MDGA2: variants seen among roughly 807,000 people sequenced by gnomAD.
The protein encoded by MDGA2 is MAM domain-containing glycosylphosphatidylinositol anchor protein 2.
A neutral mutation model predicts 117.8 loss-of-function variants in MDGA2; 40 were observed. The observed-to-expected ratio is 0.34, with a 90% CI of 0.26 to 0.44. The LOEUF is 0.44. MDGA2 is among the 20% of genes least tolerant of loss of function. The pLI, the probability that MDGA2 is intolerant of heterozygous loss-of-function variation, is 1.00. For missense variants in MDGA2, 1,123 were observed against 1,250.6 expected (o/e 0.90, Z 1.54); for synonymous variants, 452 against 439.0 (o/e 1.03, Z -0.37).
chr14:47,095,473 A>G (rs897402835), intron 6 of MDGA2, among the ~76,000 whole-genome samples: 1 of 151,936 alleles, frequency 6.6e-6, no homozygotes, highest in Non-Finnish European at 1.5e-5. Flanking sequence ...TGGCCTTTTT[A>G]TGCAGGCCAA....
chr14:47,055,877 T>C (rs1889657072), intron 7 of MDGA2, among the ~76,000 whole-genome samples: 1 of 152,106 alleles, frequency 6.6e-6, no homozygotes, highest in Non-Finnish European at 1.5e-5. Flanking sequence ...TATCCAGCCC[T>C]TTACGAAATG....
At chr14:47,632,469 C>G (rs1442183309) in intron 1 of MDGA2, among the ~76,000 whole-genome samples, 1 of 152,116 alleles carries the variant, frequency 6.6e-6, no homozygotes, top group East Asian at 1.9e-4. Context: ...CCCTCTACTC[C>G]AATACACAAA....
chr14:47,234,827 TG>T lies in MDGA2; in HGVS notation c.421-16633del, dbSNP rs1369428329. On this transcript the variant is annotated intron_variant, in intron 2 of 16. Coordinates refer to ENST00000399232, the MANE Select transcript of MDGA2 (RefSeq NM_001113498.3). ...ATAGAAAGGCATTGTATTATAAAAA[TG>T]TATTTTTATCCTTCCCTAATATTCT... Among the ~76,000 whole-genome samples the T allele has an allele frequency of 7.2e-5, 11 of 152,282 alleles. No homozygotes were observed. In the East Asian group the frequency reaches 1.9e-3, roughly 27 times the overall value.
Position 47,239,753 on chromosome 14 carries a change from C to T in MDGA2, c.421-21558G>A, listed in dbSNP as rs943090862. ...AAATTAAATTATCTGCCTGAAAAGA[C>T]ACTATTTTAATAAATATTTGATTGA... On this transcript the variant is annotated intron_variant, in intron 2 of 16. Transcript: ENST00000399232. Among the ~76,000 whole-genome samples the T allele has an allele frequency of 2.3e-4, 35 of 151,944 alleles. 2 individuals carry two copies. The Middle Eastern group carries it at 0.014, about 59-fold the overall frequency.
intron 6 of MDGA2, among the ~76,000 whole-genome samples, chr14:47,070,028 G>T (rs1306216628): frequency 3.3e-5 from 5 of 151,886 alleles, no homozygotes; most frequent in African/African-American, 4.8e-5. Context: ...TGGGTGGGGT[G>T]GGGTTATCCA....
intron 1 of MDGA2, among the ~76,000 whole-genome samples, chr14:47,335,161 G>A (rs1890402613): frequency 6.7e-6 from 1 of 148,896 alleles, no homozygotes; most frequent in East Asian, 2.0e-4. Flanking sequence ...CAGTGAAAAA[G>A]CAAACAAAAT....
intron 8 of MDGA2, among the ~76,000 whole-genome samples, chr14:46,972,728 G>A (rs188220126): frequency 1.2e-4 from 19 of 152,194 alleles, no homozygotes; most frequent in Admixed American, 5.9e-4. Flanking sequence ...TAGCTTTTTA[G>A]ATACAACACC....
At chr14:47,179,459 A>G (rs939422461) in intron 3 of MDGA2, among the ~76,000 whole-genome samples, 1 of 152,028 alleles carries the variant, frequency 6.6e-6, no homozygotes, top group East Asian at 1.9e-4. Context: ...AAACTATTAT[A>G]TATTTGTGAA....
chr14:46,920,251 T>TA, intron 9 of MDGA2, 91 bp from the exon 10 acceptor site: 1 of 1,174,926 alleles, frequency 8.5e-7, no homozygotes, highest in South Asian at 1.6e-5. Flanking sequence ...ATTTCTACTA[T>TA]ATTTTTCATT....
At chr14:47,608,422 T>C (rs1019221188) in intron 1 of MDGA2, among the ~76,000 whole-genome samples, 1 of 152,114 alleles carries the variant, frequency 6.6e-6, no homozygotes, top group African/African-American at 2.4e-5. Context: ...GAGCATATGA[T>C]GTTCACGAGA....
chr14:47,674,485 C>T (rs1898137577), intron 1 of MDGA2, 32 bp downstream of exon 1: 1 of 1,532,202 alleles, frequency 6.5e-7, no homozygotes, highest in Non-Finnish European at 8.8e-7. Flanking sequence ...CTAAGAATCA[C>T]AAGGTCACGA....
chr14:47,026,874 A>C (rs1348012276), intron 8 of MDGA2, among the ~76,000 whole-genome samples: 1 of 152,186 alleles, frequency 6.6e-6, no homozygotes, highest in Non-Finnish European at 1.5e-5. Context: ...TAAACTTTTT[A>C]TTGAAAATTT....
At chr14:46,864,545 GTTTTTTTTTTTTT>G (rs71112467) in intron 14 of MDGA2, among the ~76,000 whole-genome samples, 55 of 51,478 alleles carry the variant, frequency 1.1e-3, no homozygotes, top group African/African-American at 3.1e-3. Flanking sequence ...AGATATTGCT[GTTTTTTTTTTTTT>G]TTTTTTTTTT....
chr14:47,561,441 C>T lies in MDGA2; in HGVS notation c.280+113076G>A, dbSNP rs576898454. Among the ~76,000 whole-genome samples the T allele has an allele frequency of 9.9e-5, 15 of 152,038 alleles. 1 individual carries two copies. In the South Asian group the frequency reaches 2.7e-3, roughly 27 times the overall value. ...TGTAATTGTCATTATAGAGATCCCT[C>T]ACCTCCCCGGTTAACTGTATTCTTA... On this transcript the variant is annotated intron_variant, in intron 1 of 16. Transcript: ENST00000399232.
At chr14:47,251,602 T>A (rs1295671302) in intron 2 of MDGA2, among the ~76,000 whole-genome samples, 1 of 152,202 alleles carries the variant, frequency 6.6e-6, no homozygotes, top group Non-Finnish European at 1.5e-5. Context: ...TTGTTGTTAC[T>A]GTCATTAAAA....
chr14:47,055,002 CT>C (rs10640408), intron 7 of MDGA2, among the ~76,000 whole-genome samples: 25,244 of 125,240 alleles, frequency 0.2, 2,232 homozygotes, highest in Admixed American at 0.29. Context: ...TTTTTCTTTT[CT>C]TTTTTTTTTT....
chr14:47,627,128 G>C (rs1421933046), intron 1 of MDGA2, among the ~76,000 whole-genome samples: 5 of 151,900 alleles, frequency 3.3e-5, no homozygotes, highest in Non-Finnish European at 7.4e-5. Flanking sequence ...GTCTAGCTAA[G>C]GGATTGTAAA....
chr14:46,868,394 A>G (rs1881863212), intron 14 of MDGA2, among the ~76,000 whole-genome samples: 1 of 151,996 alleles, frequency 6.6e-6, no homozygotes, highest in African/African-American at 2.4e-5. Context: ...CAGAAGAGAC[A>G]TCATTTCTAC....
At chr14:47,261,708 T>C (rs1887801759) in intron 2 of MDGA2, among the ~76,000 whole-genome samples, 1 of 152,158 alleles carries the variant, frequency 6.6e-6, no homozygotes, top group South Asian at 2.1e-4. Flanking sequence ...TTCTGTTGCA[T>C]ATGTTTAAGT....
Sources: gnomAD v4.1 joint callset for allele counts (sites outside exome capture counted in the v4.1 genomes callset) on GRCh38, gnomAD v4.1.1 for gene constraint, MANE v1.5 for transcripts, NCBI Gene and HGNC (gene_info 2026-07-23, HGNC 2026-07-21) for gene names.